The following DPP10 variants were observed in gnomAD, a reference collection of about 807,000 sequenced individuals.
DPP10 encodes the protein inactive dipeptidyl peptidase 10.
A neutral mutation model predicts 120.9 loss-of-function variants in DPP10; 33 were observed. That is an observed-to-expected ratio of 0.27 (90% confidence interval 0.21 to 0.37). The LOEUF is 0.37. DPP10 is among the 10% of genes least tolerant of loss of function. The probability of loss-of-function intolerance (pLI) is 1.00; values close to 1 mark genes in which losing one functional copy is unlikely to be tolerated. For missense variants in DPP10, 816 were observed against 942.8 expected (o/e 0.87, Z 1.76); for synonymous variants, 337 against 326.1 (o/e 1.03, Z -0.36).
At chr2:114,915,203 G>A (rs981266459) in intron 1 of DPP10, among the ~76,000 whole-genome samples, 2 of 152,082 alleles carry the variant, frequency 1.3e-5, no homozygotes, top group African/African-American at 4.8e-5. Flanking sequence ...AAGAGCAGAG[G>A]TTGCTATTCT....
intron 2 of DPP10, among the ~76,000 whole-genome samples, chr2:115,328,613 A>G (rs1483330248): frequency 6.6e-6 from 1 of 152,020 alleles, no homozygotes; most frequent in Admixed American, 6.6e-5. Context: ...GTGTGTTTGT[A>G]TGGGTTTTGT....
intron 1 of DPP10, among the ~76,000 whole-genome samples, chr2:114,918,219 G>A (rs866619980): frequency 6.6e-6 from 1 of 152,270 alleles, no homozygotes; most frequent in African/African-American, 2.4e-5. Flanking sequence ...TCACTCATTA[G>A]AGAAATGCAA....
intron 1 of DPP10, among the ~76,000 whole-genome samples, chr2:114,778,403 G>A (rs1039947109): frequency 7.2e-5 from 11 of 152,068 alleles, no homozygotes; most frequent in Non-Finnish European, 1.0e-4. Context: ...GTCCTATAAC[G>A]TTAGCCACAG....
intron 1 of DPP10, among the ~76,000 whole-genome samples, chr2:114,968,097 CA>C (rs971171442): frequency 6.6e-6 from 1 of 152,104 alleles, no homozygotes; most frequent in African/African-American, 2.4e-5. Flanking sequence ...TACTTTTCCT[CA>C]AAAAAATTTG....
At chr2:115,569,881 TA>T (rs1177133988) in intron 5 of DPP10, among the ~76,000 whole-genome samples, 2 of 152,182 alleles carry the variant, frequency 1.3e-5, no homozygotes, top group African/African-American at 4.8e-5. Flanking sequence ...TAATTTGAAA[TA>T]AAACACTAAT....
chr2:115,087,266 A>G (rs1708789614), intron 1 of DPP10, among the ~76,000 whole-genome samples: 1 of 152,208 alleles, frequency 6.6e-6, no homozygotes, highest in South Asian at 2.1e-4. Flanking sequence ...ATGGCTGTAG[A>G]TTCCTTCAAG....
At chr2:114,653,435 A>G (rs1221838962) in intron 1 of DPP10, among the ~76,000 whole-genome samples, 1 of 152,190 alleles carries the variant, frequency 6.6e-6, no homozygotes, top group Non-Finnish European at 1.5e-5. Flanking sequence ...GTGACAGAAT[A>G]AATTTCCATT....
chr2:115,194,452 C>T (rs558697043), intron 1 of DPP10, among the ~76,000 whole-genome samples: 7 of 152,246 alleles, frequency 4.6e-5, no homozygotes, highest in East Asian at 1.9e-4. Context: ...AGGAAGGCTA[C>T]GGGTTGCCAG....
intron 1 of DPP10, among the ~76,000 whole-genome samples, chr2:115,050,640 C>T (rs956265729): frequency 6.6e-6 from 1 of 152,138 alleles, no homozygotes; most frequent in Non-Finnish European, 1.5e-5. Context: ...GAAAATTTCA[C>T]ATATTCTGGG....
At chr2:115,216,914 CG>C (rs1434605907) in intron 1 of DPP10, among the ~76,000 whole-genome samples, 1 of 151,194 alleles carries the variant, frequency 6.6e-6, no homozygotes, top group Non-Finnish European at 1.5e-5. Flanking sequence ...CATATATACA[CG>C]TATATATGTC....
At chr2:115,766,511 C>T (rs1680783027) in intron 12 of DPP10, among the ~76,000 whole-genome samples, 1 of 151,752 alleles carries the variant, frequency 6.6e-6, no homozygotes, top group African/African-American at 2.4e-5. Context: ...GTAAAAACCA[C>T]AATTACTTTT....
chr2:115,007,263 G>T (rs998242221), intron 1 of DPP10, among the ~76,000 whole-genome samples: 2 of 152,142 alleles, frequency 1.3e-5, no homozygotes, highest in Non-Finnish European at 1.5e-5. Flanking sequence ...TGCAAGCCTG[G>T]TTCAATATAC....
intron 1 of DPP10, among the ~76,000 whole-genome samples, chr2:114,788,543 G>GT (rs751907000): frequency 9.3e-4 from 141 of 151,966 alleles, no homozygotes; most frequent in Non-Finnish European, 1.3e-3. Flanking sequence ...AGCCTCCCGA[G>GT]TAGCTGGGAC....
intron 1 of DPP10, among the ~76,000 whole-genome samples, chr2:114,950,461 A>ATTTTTT (rs1203195547): frequency 7.3e-6 from 1 of 137,066 alleles, no homozygotes; most frequent in African/African-American, 2.6e-5. Flanking sequence ...CGCCCCGGTA[A>ATTTTTT]TTTTTTTATT....
At chr2:114,650,783 T>C (rs1037943804) in intron 1 of DPP10, among the ~76,000 whole-genome samples, 12 of 152,088 alleles carry the variant, frequency 7.9e-5, no homozygotes, top group African/African-American at 2.9e-4. Context: ...AGCAGATGAG[T>C]CCTCCATCCC....
At chr2:114,790,997 A>T (rs1335518640) in intron 1 of DPP10, among the ~76,000 whole-genome samples, 2 of 152,226 alleles carry the variant, frequency 1.3e-5, no homozygotes, top group African/African-American at 2.4e-5. Context: ...ATATAAGAAA[A>T]AAAAGAAGGG....
chr2:115,361,044 C>T (rs2064731246), intron 3 of DPP10, among the ~76,000 whole-genome samples: 1 of 152,150 alleles, frequency 6.6e-6, no homozygotes, highest in African/African-American at 2.4e-5. Flanking sequence ...GCCTTTTGTT[C>T]TCCGATTGCT....
At chr2:115,689,047 T>C (rs1437540533) in intron 5 of DPP10, among the ~76,000 whole-genome samples, 1 of 152,182 alleles carries the variant, frequency 6.6e-6, no homozygotes, top group Admixed American at 6.5e-5. Flanking sequence ...TAGACACCTG[T>C]ATCTGACAAC....
chr2:115,681,486 T>G (rs2090646008), intron 5 of DPP10, among the ~76,000 whole-genome samples: 1 of 151,858 alleles, frequency 6.6e-6, no homozygotes, highest in Admixed American at 6.6e-5. Flanking sequence ...AGTAAAACTT[T>G]TATGGAATAA....
Sources: gnomAD v4.1 joint callset for allele counts (sites outside exome capture counted in the v4.1 genomes callset) on GRCh38, gnomAD v4.1.1 for gene constraint, MANE v1.5 for transcripts, NCBI Gene and HGNC (gene_info 2026-07-23, HGNC 2026-07-21) for gene names.